The following ZDHHC2 variants were observed in gnomAD, a reference collection of about 807,000 sequenced individuals.
ZDHHC2 encodes palmitoyltransferase ZDHHC2.
Under a neutral mutation model 55.6 loss-of-function variants are expected in ZDHHC2, and 51 were observed. That is an observed-to-expected ratio of 0.92 (90% CI 0.73 to 1.16). The LOEUF (loss-of-function observed/expected upper bound fraction) is 1.16, where lower values mean the gene tolerates loss of function less well. Among genes scored for constraint, ZDHHC2 ranks in the 50% most tolerant of loss-of-function variants. ZDHHC2 has a pLI of 0.00. For missense variants in ZDHHC2, 491 were observed against 442.4 expected (o/e 1.11, Z -0.99); for synonymous variants, 199 against 152.9 (o/e 1.30, Z -2.22).
intron 1 of ZDHHC2, among the ~76,000 whole-genome samples, chr8:17,176,510 A>G (rs541213881): frequency 6.6e-6 from 1 of 152,182 alleles, no homozygotes; most frequent in African/African-American, 2.4e-5. Flanking sequence ...TTATAGCCAG[A>G]GAAACCTTCA....
intron 1 of ZDHHC2, among the ~76,000 whole-genome samples, chr8:17,168,182 A>G (rs1443931014): frequency 1.3e-5 from 2 of 152,188 alleles, no homozygotes; most frequent in African/African-American, 4.8e-5. Context: ...GAAAAAGGTC[A>G]AGGAAGACCG....
chr8:17,197,793 C>A (rs1352721939), intron 5 of ZDHHC2, 142 bp downstream of exon 5: 2 of 897,768 alleles, frequency 2.2e-6, no homozygotes, highest in Non-Finnish European at 3.4e-6. Context: ...GTTGGTATAA[C>A]CCGCTGGCAT....
In ZDHHC2 at chr8:17,199,530, TTCTG is replaced by T. The variant is rs1244155169; in HGVS notation, c.476+1121_476+1124del. On this transcript the variant is annotated intron_variant, in intron 6 of 12. Coordinates refer to ENST00000262096, the MANE Select transcript of ZDHHC2 (RefSeq NM_016353.5). ...CTTCTTCTTCGTCTTCGTCTTCGTC[TTCTG>T]TCTTCGTCTTCTGTCTTCGTCTTCG... 7.8e-3 allele frequency among the ~76,000 whole-genome samples: 204 copies of T among 26,310 alleles called. 4 individuals are homozygous for T. Among genetic ancestry groups the T allele is most frequent in the Non-Finnish European group, 0.029 (168 of 5,734 alleles). The allele number at this position is 26,310 out of a possible 152,430, so 17.3% of individuals were successfully genotyped here.
intron 1 of ZDHHC2, among the ~76,000 whole-genome samples, chr8:17,170,826 A>G (rs1282940886): frequency 2.0e-5 from 3 of 152,232 alleles, no homozygotes; most frequent in East Asian, 1.9e-4. Flanking sequence ...GAAATAACCA[A>G]TATACATGTG....
chr8:17,209,031 C>T (rs919552826), intron 8 of ZDHHC2, among the ~76,000 whole-genome samples: 1 of 152,060 alleles, frequency 6.6e-6, no homozygotes, highest in Non-Finnish European at 1.5e-5. Context: ...ATCATTATAC[C>T]TCCATGTTCA....
In ZDHHC2 at chr8:17,205,851, TC is replaced by T. The variant is rs1310574056; in HGVS notation, c.597+78del. The T allele has an allele frequency of 2.1e-6, 3 of 1,399,156 alleles. No homozygotes were observed. In the African/African-American group the frequency reaches 4.4e-5, roughly 20 times the overall value. 86.7% of individuals were successfully genotyped at this position (1,399,156 alleles called of 1,614,324 possible). On this transcript the variant is annotated intron_variant, in intron 7 of 12. Coordinates refer to ENST00000262096, the MANE Select transcript of ZDHHC2 (RefSeq NM_016353.5). ...ATAGGCTTTTCAGAACAGAATTATT[TC>T]CGACACTGACTTTATAGACCAGAGC...
intron 4 of ZDHHC2, 53 bp downstream of exon 4, chr8:17,195,677 G>T (rs755856488): frequency 3.1e-6 from 5 of 1,605,544 alleles, no homozygotes; most frequent in Non-Finnish European, 4.3e-6. Flanking sequence ...CATCATTAAG[G>T]TGACTGTAAG....
chr8:17,195,668 A>T (rs570161150), intron 4 of ZDHHC2, 44 bp downstream of exon 4: 1 of 1,608,326 alleles, frequency 6.2e-7, no homozygotes, highest in South Asian at 1.1e-5. Context: ...TGCAAATAAC[A>T]TCATTAAGGT....
intron 3 of ZDHHC2, among the ~76,000 whole-genome samples, chr8:17,194,481 C>G (rs1457694453): frequency 6.6e-6 from 1 of 151,708 alleles, no homozygotes; most frequent in Non-Finnish European, 1.5e-5. Context: ...CTGTGCATCT[C>G]CCAGCTGTTT....
intron 1 of ZDHHC2, among the ~76,000 whole-genome samples, chr8:17,169,799 A>G (rs1804766765): frequency 6.6e-6 from 1 of 152,222 alleles, no homozygotes; most frequent in Non-Finnish European, 1.5e-5. Flanking sequence ...TTACACATGG[A>G]GCAGAGGAAG....
At chr8:17,185,505 A>T (rs1805662558) in intron 2 of ZDHHC2, among the ~76,000 whole-genome samples, 1 of 151,952 alleles carries the variant, frequency 6.6e-6, no homozygotes, top group Non-Finnish European at 1.5e-5. Flanking sequence ...TAAAAAAAAA[A>T]AGAAAAATAC....
Position 17,175,244 on chromosome 8 carries a change from T to C in ZDHHC2, c.131-9545T>C, listed in dbSNP as rs193102543. On this transcript the variant is annotated intron_variant, in intron 1 of 12. Coordinates refer to ENST00000262096, the MANE Select transcript of ZDHHC2 (RefSeq NM_016353.5). ...TGGACAGGGCGTTGTGGGTTGCAGG[T>C]GTGGGTGGGGTTGACAGGAAAGGAG... is the stretch of plus-strand genomic sequence containing the variant. 2.6e-5 allele frequency among the ~76,000 whole-genome samples: 4 copies of C among 152,222 alleles called. No homozygotes were observed. In the East Asian group the frequency reaches 5.8e-4, roughly 22 times the overall value.
chr8:17,161,130 C>T (rs924293458), intron 1 of ZDHHC2, among the ~76,000 whole-genome samples: 1 of 152,176 alleles, frequency 6.6e-6, no homozygotes, highest in African/African-American at 2.4e-5. Context: ...TACACAAAGC[C>T]TCCTACTTGG....
At chr8:17,163,553 C>T (rs138696519) in intron 1 of ZDHHC2, among the ~76,000 whole-genome samples, 1 of 152,224 alleles carries the variant, frequency 6.6e-6, no homozygotes, top group East Asian at 1.9e-4. Flanking sequence ...TTTTCCTTCT[C>T]AGAAAAATAG....
rs1807694536 is a variant in ZDHHC2 at position 17,217,254 on chromosome 8, A to C, written c.*34+8A>C. 3 of 1,563,470 alleles carry C rather than the reference A, an allele frequency of 1.9e-6. No homozygotes were observed. The East Asian group carries it at 6.8e-5, about 35-fold the overall frequency. ...AATTCATACTTTATAAAAGTACGAT[A>C]ATTTTCCCTTTATTGTTTTATATTT... On this transcript the variant is annotated splice_region_variant and intron_variant, in intron 12 of 12. Coordinates refer to ENST00000262096, the MANE Select transcript of ZDHHC2 (RefSeq NM_016353.5).
At chr8:17,158,938 T>G (rs1010122583) in intron 1 of ZDHHC2, among the ~76,000 whole-genome samples, 1 of 152,258 alleles carries the variant, frequency 6.6e-6, no homozygotes, top group African/African-American at 2.4e-5. Context: ...AAGTAGCTTT[T>G]ATATTTTTAT....
chr8:17,220,402 C>G lies in ZDHHC2; in HGVS notation c.*181C>G, dbSNP rs1462104921. 3 of 152,070 alleles carry G rather than the reference C, an allele frequency of 2.0e-5. No individual in the cohort carries two copies. The highest frequency in any genetic ancestry group is 7.2e-5 in the African/African-American group (3 of 41,414). The allele number at this position is 152,070 out of a possible 1,614,324, so 9.4% of individuals were successfully genotyped here. ...GCTTAAAATATAACATGTTTTGGAT[C>G]CAATACACACATTGTTACAACTAAC... is the stretch of plus-strand genomic sequence containing the variant. On this transcript the variant is annotated 3_prime_UTR_variant, in exon 13 of 13. Transcript: ENST00000262096.
chr8:17,167,195 C>G (rs1292154139), intron 1 of ZDHHC2, among the ~76,000 whole-genome samples: 1 of 151,764 alleles, frequency 6.6e-6, no homozygotes, highest in Non-Finnish European at 1.5e-5. Context: ...GTGGACATCT[C>G]AAGCAACAAA....
intron 1 of ZDHHC2, among the ~76,000 whole-genome samples, chr8:17,173,628 G>C (rs1459240318): frequency 6.6e-6 from 1 of 151,360 alleles, no homozygotes; most frequent in African/African-American, 2.4e-5. Context: ...GGCAGCATGA[G>C]CCGTGATTGC....
Sources: allele counts gnomAD v4.1 joint callset (sites outside exome capture counted in the v4.1 genomes callset), GRCh38; gene constraint gnomAD v4.1.1; transcripts MANE v1.5; gene names NCBI Gene and HGNC (gene_info 2026-07-23, HGNC 2026-07-21).